POLRMT: variants seen among roughly 807,000 people sequenced by gnomAD.
POLRMT encodes DNA-directed RNA polymerase, mitochondrial.
POLRMT carries 114 observed loss-of-function variants against 132.2 expected under a neutral mutation model. The ratio of observed to expected loss-of-function variants is 0.86; its 90% CI spans 0.74 to 1.01. The LOEUF is 1.01. Among genes scored for constraint, POLRMT ranks in the 50% least tolerant of loss-of-function variants. The probability of loss-of-function intolerance (pLI) is 0.00; values close to 1 mark genes in which losing one functional copy is unlikely to be tolerated. For synonymous variants in POLRMT, 1,020 were observed against 773.4 expected (o/e 1.32, Z -5.29); for missense variants, 2,003 against 1,729.1 (o/e 1.16, Z -2.81).
chr19:629,549 C>G lies in POLRMT; in HGVS notation c.813G>C (p.Trp271Cys), dbSNP rs1452754672. The G allele has an allele frequency of 6.5e-7, 1 of 1,526,830 alleles. No homozygotes were observed. Among genetic ancestry groups the G allele is most frequent in the South Asian group, 1.3e-5 (1 of 78,216 alleles). The allele number at this position is 1,526,830 out of a possible 1,614,324, so 94.6% of individuals were successfully genotyped here. ...TCCCGGCTGCACTCACCTGCCGCGC[C>G]CAGCCAAGCATCACGGCGTTGTACA... The part of the protein sequence containing the change: ...LDMYNAVMLG[W>C]ARQGAFKELV... Residue 271 changes from tryptophan to cysteine, a missense_variant, in exon 3 of 21, where the codon TGG becomes TGC. Trp to Cys is a radical substitution (Grantham distance 215). Transcript: ENST00000588649.
rs149478620 is a variant in POLRMT at position 621,097 on chromosome 19, C to T, written c.2601G>A (p.Val867=). ...LRKRLAFAEE[V]MDDILDSADQ... is the part of the protein sequence containing the mutation. ...CCGCGGAGTCCAGGATGTCATCCATCACCTCCTCCGCAAAGGCCAGGCGCT... is the reference window on the plus strand; with the variant it reads ...CCGCGGAGTCCAGGATGTCATCCATTACCTCCTCCGCAAAGGCCAGGCGCT... The change falls in exon 10 of 21, where the codon GTG becomes GTA. Residue 867 remains valine (V), a synonymous_variant. Transcript: ENST00000588649. 2.4e-4 allele frequency: 392 copies of T among 1,607,612 alleles called. 1 individual carries two copies. Among genetic ancestry groups the T allele is most frequent in the Non-Finnish European group, 3.2e-4 (377 of 1,177,996 alleles).
intron 3 of POLRMT, among the ~76,000 whole-genome samples, 165 bp downstream of exon 3, chr19:629,375 T>G (rs1319286506): frequency 6.6e-6 from 1 of 152,082 alleles, no homozygotes; most frequent in African/African-American, 2.4e-5. Context: ...TTTTCAAAAT[T>G]TGAGAGTCAC....
chr19:618,708 C>G lies in POLRMT; in HGVS notation c.3320G>C (p.Ser1107Thr), dbSNP rs1325095823. The change falls in exon 16 of 21, where the codon AGC becomes ACC. Residue 1107 changes from serine (S) to threonine (T), a missense_variant. Ser to Thr is a moderately conservative substitution (Grantham distance 58). Transcript: ENST00000588649. ...SITYTHNGDI[S>T]RKPNTRKQKN... ...CCAGCCCGGGCCCCCCACTCACCGG[C>G]TGATGTCTCCGTTGTGGGTGTAGGT... The G allele has an allele frequency of 1.5e-5, 24 of 1,607,676 alleles. No homozygotes were observed. Among genetic ancestry groups the G allele is most frequent in the Non-Finnish European group, 2.0e-5 (24 of 1,177,438 alleles).
At chr19:626,934 ATTT>A (rs925794010) in intron 3 of POLRMT, among the ~76,000 whole-genome samples, 1 of 148,030 alleles carries the variant, frequency 6.8e-6, no homozygotes, top group Non-Finnish European at 1.5e-5. Context: ...TATATATATA[ATTT>A]TTTTCTTGTA....
chr19:623,277 G>C (rs1392528910), intron 6 of POLRMT, among the ~76,000 whole-genome samples, 177 bp downstream of exon 6: 1 of 152,236 alleles, frequency 6.6e-6, no homozygotes, highest in African/African-American at 2.4e-5. Flanking sequence ...GGCCCTGCAT[G>C]ACCAGACCAG....
chr19:620,982 G>C, intron 10 of POLRMT, 76 bp downstream of exon 10: 1 of 1,046,380 alleles, frequency 9.6e-7, no homozygotes. Flanking sequence ...CGGGGGCGCC[G>C]GGGGAGGGCG....
intron 3 of POLRMT, among the ~76,000 whole-genome samples, chr19:626,311 C>G (rs1370878860): frequency 6.6e-6 from 1 of 151,668 alleles, no homozygotes; most frequent in African/African-American, 2.4e-5. Flanking sequence ...GCCACCACAC[C>G]CAGCTAATTA....
At chr19:628,473 CGCTG>C (rs1985179490) in intron 3 of POLRMT, among the ~76,000 whole-genome samples, 1 of 152,212 alleles carries the variant, frequency 6.6e-6, no homozygotes, top group Non-Finnish European at 1.5e-5. Flanking sequence ...TCCTGAATTT[CGCTG>C]TTTGATGCGT....
intron 2 of POLRMT, among the ~76,000 whole-genome samples, chr19:631,836 G>C (rs1340831322): frequency 6.6e-6 from 1 of 152,062 alleles, no homozygotes; most frequent in Non-Finnish European, 1.5e-5. Flanking sequence ...CCACCTTCCG[G>C]GTTCAAGCGA....
At position 621,830 on chromosome 19, in the gene POLRMT, G is replaced by A. The variant is rs370122679; in HGVS notation, c.1868C>T (p.Pro623Leu). The A allele has an allele frequency of 2.0e-4, 322 of 1,602,194 alleles. No individual in the cohort carries two copies. The highest frequency in any genetic ancestry group is 2.4e-4 in the Non-Finnish European group (285 of 1,179,832). Residue 623 changes from proline to leucine, a missense_variant, in exon 10 of 21, where the codon CCG becomes CTG. Coordinates refer to ENST00000588649, the MANE Select transcript of POLRMT (RefSeq NM_005035.4). ...CAGCAGCTGCACGTAGGCCGGGTGC[G>A]GCTTCAGGATGCCGATCTGGGGTGC... is the stretch of plus-strand genomic sequence containing the variant. ...RNVQQIGILK[P>L]HPAYVQLLEK...
rs755299102 is a variant in POLRMT, at chr19:622,328, C to T, written c.1672G>A (p.Ala558Thr). The T allele has an allele frequency of 9.6e-6, 15 of 1,561,186 alleles. No homozygotes were observed. The East Asian group carries it at 3.1e-4, about 32-fold the overall frequency. ...GGCTGCTCCCGCAGGGCCTCGGGCG[C>T]CCCCAGCTCCTCCCAGTACTGCCGC... ...LPRQYWEELG[A>T]PEALREQPWP... The change falls in exon 9 of 21, where the codon GCG becomes ACG. Residue 558 changes from alanine to threonine, a missense_variant. Physicochemically the swap from Ala to Thr is moderately conservative, Grantham distance 58. Coordinates refer to ENST00000588649, the MANE Select transcript of POLRMT (RefSeq NM_005035.4).
At position 622,812 on chromosome 19, in the gene POLRMT, A is replaced by C; in HGVS notation, c.1455+9T>G. The stretch of plus-strand genomic sequence containing the variant: ...GCCCGGGGACCCGGCCGCGCGGAGG[A>C]AGACGCACCTGCAGGAGCATCCGCA... On this transcript the variant is annotated intron_variant, in intron 7 of 20. Coordinates refer to ENST00000588649, the MANE Select transcript of POLRMT (RefSeq NM_005035.4). 6.3e-7 allele frequency: 1 copy of C among 1,582,500 alleles called. No individual in the cohort carries two copies. The highest frequency in any genetic ancestry group is 1.1e-5 in the South Asian group (1 of 87,778).
At chr19:624,163 C>G (rs1984847844) in intron 5 of POLRMT, among the ~76,000 whole-genome samples, 1 of 152,194 alleles carries the variant, frequency 6.6e-6, no homozygotes, top group East Asian at 1.9e-4. Context: ...CCCAGGTCGC[C>G]TCCCGGAGGC....
chr19:628,567 C>T (rs1453925108), intron 3 of POLRMT, among the ~76,000 whole-genome samples: 2 of 152,146 alleles, frequency 1.3e-5, no homozygotes, highest in East Asian at 3.8e-4. Context: ...AATAGTATCC[C>T]ATGTTTACCC....
rs781241405 is a variant in POLRMT, at chr19:620,037, C to T, written c.2807G>A (p.Arg936His). The T allele has an allele frequency of 1.9e-6, 3 of 1,558,844 alleles. No homozygotes were observed. The highest frequency in any genetic ancestry group is 1.4e-5 in the African/African-American group (1 of 73,964). The change falls in exon 12 of 21, where the codon CGC becomes CAC. Residue 936 changes from arginine to histidine, a missense_variant. Transcript: ENST00000588649. ...GACGGAGGCGGCGCCCACGCTGTCG[C>T]GGCCCAGAGCAGCATAATGCTGCAG... ...NGLQHYAALG[R>H]DSVGAASVNL...
Position 623,595 on chromosome 19 carries a change from AC to A in POLRMT, c.1148del (p.Arg383LeufsTer11). ...GCAGGTGCAGCTTCGGGTAGGACAC[AC>A]GCCCATCCTGCAGGGATGGGGGTAG... ...LLRDVYAKDGRVSYPKLHLPL... is the reference protein window; with the variant it reads ...LLRDVYAKDGXVSYPKLHLPL... On this transcript the variant is annotated frameshift_variant, in exon 6 of 21. Coordinates refer to ENST00000588649, the MANE Select transcript of POLRMT (RefSeq NM_005035.4). LOFTEE classifies it high-confidence loss of function. The A allele has an allele frequency of 6.2e-7, 1 of 1,613,434 alleles. No individual in the cohort carries two copies.
At position 632,918 on chromosome 19, in the gene POLRMT, C is replaced by T. The variant is rs1427094552; in HGVS notation, c.109G>A (p.Gly37Ser). The T allele has an allele frequency of 6.6e-7, 1 of 1,522,814 alleles. No individual in the cohort carries two copies. Among genetic ancestry groups the T allele is most frequent in the East Asian group, 2.6e-5 (1 of 38,058 alleles). 94.3% of individuals were successfully genotyped at this position (1,522,814 alleles called of 1,614,324 possible). A position where few individuals can be genotyped will look rare whatever the true frequency, so the allele number is the denominator to read the frequency against. Residue 37 changes from glycine (G) to serine (S), a missense_variant, in exon 2 of 21, where the codon GGC becomes AGC. By Grantham distance (56) the Gly-to-Ser change is moderately conservative. Coordinates refer to ENST00000588649, the MANE Select transcript of POLRMT (RefSeq NM_005035.4). ...GKEGTAGGVCGPRRSSSASPQ... is the reference protein window; with the variant it reads ...GKEGTAGGVCSPRRSSSASPQ... ...CTGGCGGACGAGCTCCTCCTGGGGCCGCAGACGCCACCGGCGGTCCCTGCG... is the reference window on the plus strand; with the variant it reads ...CTGGCGGACGAGCTCCTCCTGGGGCTGCAGACGCCACCGGCGGTCCCTGCG...
intron 8 of POLRMT, 32 bp downstream of exon 8, chr19:622,550 C>T: frequency 1.9e-6 from 3 of 1,568,322 alleles, no homozygotes; most frequent in Non-Finnish European, 2.6e-6. Context: ...ACCACTGGCC[C>T]CAGCCAGGAG....
At chr19:620,558 C>A in intron 10 of POLRMT, 71 bp from the exon 11 acceptor site, 5 of 1,450,258 alleles carry the variant, frequency 3.4e-6, no homozygotes, top group Non-Finnish European at 4.6e-6. Flanking sequence ...GGCTGTGTTG[C>A]GGGGAGGTGG....
Sources: allele counts gnomAD v4.1 joint callset (sites outside exome capture counted in the v4.1 genomes callset), GRCh38; gene constraint gnomAD v4.1.1; transcripts MANE v1.5; gene names NCBI Gene and HGNC (gene_info 2026-07-23, HGNC 2026-07-21).